Variants in RGS6 observed in about 807,000 individuals in gnomAD.
RGS6 encodes the protein regulator of G protein signaling 6.
A neutral mutation model predicts 78.5 loss-of-function variants in RGS6; 30 were observed. That is an observed-to-expected ratio of 0.38 (90% confidence interval 0.29 to 0.52). The LOEUF (loss-of-function observed/expected upper bound fraction) is 0.52, where lower values mean the gene tolerates loss of function less well. Ranked by LOEUF, RGS6 falls within the 20% of genes least tolerant of loss-of-function variation. The pLI, the probability that RGS6 is intolerant of heterozygous loss-of-function variation, is 0.85. For missense variants in RGS6, 495 were observed against 609.7 expected, an observed-to-expected ratio of 0.81 and a Z score of 1.98; for synonymous variants, 206 against 206.0, an observed-to-expected ratio of 1.00 and a Z score of 0.00.
At chr14:72,146,822 C>T (rs754830700) in intron 2 of RGS6, among the ~76,000 whole-genome samples, 2 of 152,016 alleles carry the variant, frequency 1.3e-5, no homozygotes, top group Non-Finnish European at 2.9e-5. Context: ...AAATCATTTC[C>T]TTCTTATTTT....
the RGS6 span, among the ~76,000 whole-genome samples, chr14:71,926,702 A>T: frequency 6.6e-6 from 1 of 152,170 alleles, no homozygotes; most frequent in Non-Finnish European, 1.5e-5. Context: ...AAAAGGACTT[A>T]AATTAATTAG....
chr14:71,933,001 A>G lies in RGS6; in HGVS notation c.-21+60A>G, dbSNP rs546278805. On this transcript the variant is annotated intron_variant, in intron 1 of 17. Coordinates refer to ENST00000553525, the MANE Select transcript of RGS6 (RefSeq NM_001204424.2). Reference sequence around the variant, plus strand: ...CAAATGGGGGAAAAACATGGTTTAAAACAGTATCCTCCCTCCCCACCCCAT... The same window carrying G: ...CAAATGGGGGAAAAACATGGTTTAAGACAGTATCCTCCCTCCCCACCCCAT... 4 of 152,424 alleles carry G rather than the reference A, an allele frequency of 2.6e-5. No individual in the cohort carries two copies. In the East Asian group the frequency reaches 7.7e-4, roughly 29 times the overall value. The allele number at this position is 152,424 out of a possible 1,614,324, so 9.4% of individuals were successfully genotyped here.
intron 2 of RGS6, among the ~76,000 whole-genome samples, chr14:72,241,990 A>C (rs1311498000): frequency 6.6e-6 from 1 of 152,244 alleles, no homozygotes; most frequent in Non-Finnish European, 1.5e-5. Context: ...TGGAACATCA[A>C]ATAGTGACCT....
intron 17 of RGS6, among the ~76,000 whole-genome samples, chr14:72,554,758 G>C (rs2097548194): frequency 6.6e-6 from 1 of 152,230 alleles, no homozygotes; most frequent in Admixed American, 6.5e-5. Context: ...AGAAGAGAGA[G>C]CTGGTGTGAA....
chr14:72,327,034 T>A (rs1324814525), intron 2 of RGS6, among the ~76,000 whole-genome samples: 1 of 152,178 alleles, frequency 6.6e-6, no homozygotes, highest in East Asian at 1.9e-4. Context: ...AATGAAAGAG[T>A]GGCCTAACAC....
chr14:72,102,835 T>TTA (rs903266935), intron 2 of RGS6, among the ~76,000 whole-genome samples: 1 of 152,170 alleles, frequency 6.6e-6, no homozygotes, highest in Non-Finnish European at 1.5e-5. Context: ...CCCCTAATCA[T>TTA]TATATATATA....
At chr14:72,044,120 C>T (rs1213533836) in intron 2 of RGS6, among the ~76,000 whole-genome samples, 17 of 152,196 alleles carry the variant, frequency 1.1e-4, no homozygotes, top group Admixed American at 1.1e-3. Context: ...TTCTTCACTT[C>T]TGTTTGTCTG....
chr14:72,396,213 A>G (rs2091223594), intron 3 of RGS6, among the ~76,000 whole-genome samples: 1 of 152,150 alleles, frequency 6.6e-6, no homozygotes, highest in Non-Finnish European at 1.5e-5. Context: ...TGACTTTTTA[A>G]TGATTTTCAT....
chr14:72,068,381 C>T (rs898835600), intron 2 of RGS6, among the ~76,000 whole-genome samples: 10 of 152,036 alleles, frequency 6.6e-5, no homozygotes, highest in African/African-American at 2.2e-4. Flanking sequence ...GCCATCTGTC[C>T]ACCTCAGCCC....
intron 2 of RGS6, among the ~76,000 whole-genome samples, chr14:72,263,627 A>G (rs1272307475): frequency 6.6e-6 from 1 of 152,186 alleles, no homozygotes; most frequent in African/African-American, 2.4e-5. Flanking sequence ...CATGATTGGG[A>G]TTAGTGCCCT....
At chr14:72,307,722 G>C (rs184961469) in intron 2 of RGS6, among the ~76,000 whole-genome samples, 1 of 151,974 alleles carries the variant, frequency 6.6e-6, no homozygotes, top group Non-Finnish European at 1.5e-5. Flanking sequence ...TTTTCCAAAT[G>C]AACTTTAAAA....
chr14:72,395,723 C>T (rs1012339554), intron 3 of RGS6, among the ~76,000 whole-genome samples: 15 of 151,982 alleles, frequency 9.9e-5, no homozygotes, highest in African/African-American at 2.7e-4. Flanking sequence ...TGATGTTCCC[C>T]GTCCTGTGTC....
chr14:72,007,841 AC>A lies in RGS6; in HGVS notation c.84+42969del, dbSNP rs542826263. Among the ~76,000 whole-genome samples the A allele has an allele frequency of 2.8e-3, 428 of 152,186 alleles. 4 individuals carry two copies. The highest frequency in any genetic ancestry group is 0.01 in the African/African-American group (416 of 41,522). On this transcript the variant is annotated intron_variant, in intron 2 of 17. Transcript: ENST00000553525. ...TTAAGCCTAAAGGGATTCCCAGAAG[AC>A]CCATGGAGTTGAAAGGGGGTTGTGC... is the stretch of plus-strand genomic sequence containing the variant.
chr14:71,898,168 A>G, the RGS6 span, among the ~76,000 whole-genome samples: 2 of 152,212 alleles, frequency 1.3e-5, no homozygotes, highest in East Asian at 1.9e-4. Flanking sequence ...ATTTTCAAGC[A>G]TACAATATAT....
chr14:72,620,224 C>T, the RGS6 span, among the ~76,000 whole-genome samples: 8,891 of 152,166 alleles, frequency 0.058, 900 homozygotes, highest in African/African-American at 0.2. Context: ...CTGCTCAACT[C>T]GTACCTCCTC....
intron 2 of RGS6, among the ~76,000 whole-genome samples, chr14:72,232,384 T>A (rs1053754762): frequency 1.3e-5 from 2 of 152,218 alleles, no homozygotes; most frequent in African/African-American, 4.8e-5. Context: ...AGGCAGGTGC[T>A]TGAGGCTCCT....
chr14:72,130,297 T>C (rs1007135910), intron 2 of RGS6, among the ~76,000 whole-genome samples: 1 of 152,194 alleles, frequency 6.6e-6, no homozygotes. Context: ...AGAAAGTTCC[T>C]GAACCCCATT....
At chr14:72,093,033 AGT>A (rs10567555) in intron 2 of RGS6, among the ~76,000 whole-genome samples, 40,575 of 149,400 alleles carry the variant, frequency 0.27, 5,879 homozygotes, top group Non-Finnish European at 0.34. Flanking sequence ...ACATACCAAA[AGT>A]GTGTGTGTGT....
chr14:71,949,459 T>C (rs982083025), intron 1 of RGS6, among the ~76,000 whole-genome samples: 5 of 152,198 alleles, frequency 3.3e-5, no homozygotes, highest in African/African-American at 1.2e-4. Context: ...CCACTTTTAT[T>C]TGTCTTTTGC....
Sources: allele counts gnomAD v4.1 joint callset (sites outside exome capture counted in the v4.1 genomes callset), GRCh38; gene constraint gnomAD v4.1.1; transcripts MANE v1.5; gene names NCBI Gene and HGNC (gene_info 2026-07-23, HGNC 2026-07-21).